Variants in PPP1R12B observed in about 807,000 individuals in gnomAD.
The protein encoded by PPP1R12B is myosin phosphatase target subunit 2.
In PPP1R12B, 76 loss-of-function variants were observed where a neutral mutation model predicts 126.1. The ratio of observed to expected loss-of-function variants is 0.60; its 90% CI spans 0.50 to 0.73. PPP1R12B has a LOEUF of 0.73. Ranked by LOEUF, PPP1R12B falls within the 30% of genes least tolerant of loss-of-function variation. The pLI is 0.00. For synonymous variants in PPP1R12B, 356 were observed against 434.7 expected (o/e 0.82, Z 2.25); for missense variants, 1,052 against 1,205.1 (o/e 0.87, Z 1.88).
intron 13 of PPP1R12B, among the ~76,000 whole-genome samples, chr1:202,467,229 T>G (rs1675131212): frequency 6.6e-6 from 1 of 152,058 alleles, no homozygotes. Flanking sequence ...TCTTTTTTTT[T>G]TTTTTTAATT....
Position 202,550,866 on chromosome 1 carries a change from A to G in PPP1R12B, c.2491-8011A>G, listed in dbSNP as rs540583777. ...TAAAATGGCTTGCCTTAGGTATTTTATGGAGGCCTTAGTATATCCATATAT... is the reference window on the plus strand; with the variant it reads ...TAAAATGGCTTGCCTTAGGTATTTTGTGGAGGCCTTAGTATATCCATATAT... On this transcript the variant is annotated intron_variant, in intron 18 of 23. Transcript: ENST00000608999. 7.9e-4 allele frequency among the ~76,000 whole-genome samples: 120 copies of G among 152,368 alleles called. 1 individual carries two copies. The highest frequency in any genetic ancestry group is 3.8e-4 in the Non-Finnish European group (26 of 68,028).
At chr1:202,422,774 C>G in intron 3 of PPP1R12B, 36 bp downstream of exon 3, 1 of 1,611,892 alleles carries the variant, frequency 6.2e-7, no homozygotes, top group South Asian at 1.1e-5. Flanking sequence ...AGGAAAGATT[C>G]TCAAACACTG....
chr1:202,511,798 T>C (rs1171815627), intron 18 of PPP1R12B, among the ~76,000 whole-genome samples: 1 of 135,922 alleles, frequency 7.4e-6, no homozygotes, highest in African/African-American at 2.8e-5. Context: ...TTTTTTGAGA[T>C]GGAGTTTCGC....
At chr1:202,550,063 T>G (rs1041308266) in intron 18 of PPP1R12B, among the ~76,000 whole-genome samples, 1 of 152,164 alleles carries the variant, frequency 6.6e-6, no homozygotes, top group Non-Finnish European at 1.5e-5. Flanking sequence ...TATTGGTCAC[T>G]CCAAAATATG....
intron 2 of PPP1R12B, among the ~76,000 whole-genome samples, chr1:202,421,996 T>C (rs1274398448): frequency 6.6e-6 from 1 of 152,244 alleles, no homozygotes; most frequent in Non-Finnish European, 1.5e-5. Context: ...ACTTATGATA[T>C]AATTTTATGT....
At chr1:202,389,565 C>G (rs1015421679) in intron 1 of PPP1R12B, among the ~76,000 whole-genome samples, 3 of 151,196 alleles carry the variant, frequency 2.0e-5, no homozygotes, top group African/African-American at 7.3e-5. Context: ...TGCGTGAACC[C>G]GGGAGGTGGA....
intron 13 of PPP1R12B, among the ~76,000 whole-genome samples, chr1:202,467,149 A>T (rs1675107412): frequency 6.7e-6 from 1 of 149,594 alleles, no homozygotes; most frequent in Non-Finnish European, 1.5e-5. Flanking sequence ...CCAATCACTG[A>T]CTCCTGCTTA....
chr1:202,360,974 T>C (rs1658087401), intron 1 of PPP1R12B, among the ~76,000 whole-genome samples: 2 of 149,888 alleles, frequency 1.3e-5, no homozygotes, highest in Admixed American at 1.3e-4. Context: ...CACTGCAAGC[T>C]CCACCTTCTG....
chr1:202,370,578 C>G (rs536180551), intron 1 of PPP1R12B, among the ~76,000 whole-genome samples: 31 of 151,926 alleles, frequency 2.0e-4, no homozygotes, highest in African/African-American at 6.3e-4. Flanking sequence ...TACTCTGTCA[C>G]TAGGCTGGAG....
At position 202,349,152 on chromosome 1, in the gene PPP1R12B, T is replaced by A; in HGVS notation, c.291+10T>A. Reference sequence around the variant, plus strand: ...GACAGCCCTGCACCAGGTAACTCCTTTCTTGGTCTTAGAGGCGTCCAGTCT... The same window carrying A: ...GACAGCCCTGCACCAGGTAACTCCTATCTTGGTCTTAGAGGCGTCCAGTCT... On this transcript the variant is annotated intron_variant, in intron 1 of 23. Coordinates refer to ENST00000608999, the MANE Select transcript of PPP1R12B (RefSeq NM_002481.4). The A allele has an allele frequency of 6.2e-7, 1 of 1,613,510 alleles. No individual in the cohort carries two copies. Among genetic ancestry groups the A allele is most frequent in the South Asian group, 1.1e-5 (1 of 90,986 alleles).
chr1:202,383,594 C>T (rs1030746800), intron 1 of PPP1R12B, among the ~76,000 whole-genome samples: 3 of 151,978 alleles, frequency 2.0e-5, no homozygotes, highest in Non-Finnish European at 4.4e-5. Flanking sequence ...TGTGGGGGCA[C>T]ACGCCTGTAA....
At chr1:202,487,535 C>T (rs1455865948) in intron 13 of PPP1R12B, among the ~76,000 whole-genome samples, 2 of 151,114 alleles carry the variant, frequency 1.3e-5, no homozygotes, top group Admixed American at 1.3e-4. Flanking sequence ...TTACAGATGA[C>T]ATGATTCTGT....
At chr1:202,358,263 A>G (rs1657475838) in intron 1 of PPP1R12B, among the ~76,000 whole-genome samples, 1 of 152,106 alleles carries the variant, frequency 6.6e-6, no homozygotes, top group African/African-American at 2.4e-5. Context: ...CTGCTTTTGA[A>G]GTGTCATTTA....
At chr1:202,513,851 A>T (rs1050565427) in intron 18 of PPP1R12B, among the ~76,000 whole-genome samples, 1 of 152,196 alleles carries the variant, frequency 6.6e-6, no homozygotes, top group Non-Finnish European at 1.5e-5. Context: ...GAGCCAGGGC[A>T]CACCACTGTT....
chr1:202,492,494 C>G (rs948068369), intron 14 of PPP1R12B, among the ~76,000 whole-genome samples: 1 of 152,168 alleles, frequency 6.6e-6, no homozygotes, highest in Admixed American at 6.5e-5. Flanking sequence ...TCTCCCTTCT[C>G]CTGTAGTTTT....
intron 8 of PPP1R12B, among the ~76,000 whole-genome samples, chr1:202,434,410 G>A (rs922927120): frequency 4.6e-5 from 7 of 152,192 alleles, no homozygotes; most frequent in African/African-American, 1.7e-4. Flanking sequence ...ATAATGTGGA[G>A]ATAGTTTTCA....
chr1:202,435,034 C>T (rs947693297), intron 9 of PPP1R12B, among the ~76,000 whole-genome samples: 5 of 152,206 alleles, frequency 3.3e-5, no homozygotes, highest in East Asian at 1.9e-4. Flanking sequence ...TGAATATAAC[C>T]ACCTTCTCGC....
chr1:202,444,405 A>C (rs1671989111), intron 12 of PPP1R12B, among the ~76,000 whole-genome samples: 1 of 152,222 alleles, frequency 6.6e-6, no homozygotes, highest in Admixed American at 6.5e-5. Context: ...AAACAAATAC[A>C]AGTTGCCCTT....
chr1:202,387,146 C>G (rs1663280123), intron 1 of PPP1R12B, among the ~76,000 whole-genome samples: 1 of 152,148 alleles, frequency 6.6e-6, no homozygotes, highest in South Asian at 2.1e-4. Context: ...TTGCTCTTGG[C>G]CTTTACTATA....
Sources: allele counts gnomAD v4.1 joint callset (sites outside exome capture counted in the v4.1 genomes callset), GRCh38; gene constraint gnomAD v4.1.1; transcripts MANE v1.5; gene names NCBI Gene and HGNC (gene_info 2026-07-23, HGNC 2026-07-21).